The following GALNT1 variants were observed in gnomAD, a reference collection of about 807,000 sequenced individuals.
GALNT1 encodes the protein GalNAc transferase 1.
In GALNT1, 17 loss-of-function variants were observed where a neutral mutation model predicts 65.7. The ratio of observed to expected loss-of-function variants is 0.26; its 90% confidence interval spans 0.18 to 0.39. The LOEUF (loss-of-function observed/expected upper bound fraction) is 0.39. GALNT1 is among the 10% of genes least tolerant of loss of function. The pLI is 1.00. For missense variants in GALNT1, 460 were observed against 672.8 expected, an observed-to-expected ratio of 0.68 and a Z score of 3.50; for synonymous variants, 210 against 219.7, an observed-to-expected ratio of 0.96 and a Z score of 0.39.
At chr18:35,617,719 A>T (rs1012723476) in intron 1 of GALNT1, among the ~76,000 whole-genome samples, 1 of 152,320 alleles carries the variant, frequency 6.6e-6, no homozygotes, top group East Asian at 1.9e-4. Flanking sequence ...TGCTGTTAAC[A>T]TTCCTAATTA....
intron 5 of GALNT1, among the ~76,000 whole-genome samples, chr18:35,684,396 A>G (rs992249381): frequency 2.6e-5 from 4 of 152,206 alleles, no homozygotes; most frequent in Non-Finnish European, 5.9e-5. Context: ...CATTGGGCCA[A>G]TCAATGGGAA....
intron 1 of GALNT1, among the ~76,000 whole-genome samples, chr18:35,641,726 A>G (rs78476652): frequency 3.3e-5 from 5 of 152,222 alleles, no homozygotes; most frequent in South Asian, 4.1e-4. Flanking sequence ...ACGTGCAGTG[A>G]TATAACAGTT....
chr18:35,672,416 G>A (rs2070084297), intron 3 of GALNT1, among the ~76,000 whole-genome samples: 1 of 152,236 alleles, frequency 6.6e-6, no homozygotes, highest in South Asian at 2.1e-4. Context: ...GACAGAGGTA[G>A]TTAGCTGCTT....
chr18:35,601,452 T>G (rs1475593409), intron 1 of GALNT1, among the ~76,000 whole-genome samples: 3 of 152,070 alleles, frequency 2.0e-5, no homozygotes, highest in African/African-American at 7.2e-5. Context: ...TTTTTCCTGT[T>G]CTTTATTATT....
intron 1 of GALNT1, among the ~76,000 whole-genome samples, chr18:35,653,978 C>T (rs950131928): frequency 7.2e-5 from 11 of 152,124 alleles, no homozygotes; most frequent in East Asian, 1.9e-4. Flanking sequence ...GAAAGAGGAA[C>T]GAGAGTTAAC....
intron 5 of GALNT1, among the ~76,000 whole-genome samples, chr18:35,686,596 A>T (rs886763636): frequency 1.3e-5 from 2 of 152,232 alleles, no homozygotes; most frequent in Admixed American, 1.3e-4. Flanking sequence ...TCATAGTTAC[A>T]GCAGAAGAAA....
At chr18:35,674,735 G>A (rs927658943) in intron 3 of GALNT1, among the ~76,000 whole-genome samples, 1 of 152,148 alleles carries the variant, frequency 6.6e-6, no homozygotes, top group Admixed American at 6.5e-5. Flanking sequence ...TGTAATCCCA[G>A]CATTTTGGGA....
At chr18:35,664,168 A>G (rs1043560648) in intron 3 of GALNT1, 74 of 257,556 alleles carry the variant, frequency 2.9e-4, no homozygotes, top group African/African-American at 1.6e-3. Context: ...ATTTTTTGCT[A>G]TGTATACACC....
chr18:35,676,637 TGA>T (rs1480036757), intron 3 of GALNT1, among the ~76,000 whole-genome samples: 1 of 152,034 alleles, frequency 6.6e-6, no homozygotes, highest in Non-Finnish European at 1.5e-5. Flanking sequence ...TTGAGGAGCT[TGA>T]GAGAGAGCAG....
chr18:35,705,244 C>G (rs776523771), intron 11 of GALNT1, among the ~76,000 whole-genome samples: 1 of 152,286 alleles, frequency 6.6e-6, no homozygotes, highest in Non-Finnish European at 1.5e-5. Context: ...ACACCTTACC[C>G]ATTCTTAAGA....
intron 1 of GALNT1, among the ~76,000 whole-genome samples, chr18:35,651,198 C>T (rs1031637813): frequency 6.6e-6 from 1 of 152,054 alleles, no homozygotes; most frequent in Non-Finnish European, 1.5e-5. Flanking sequence ...CTTTTCAAGG[C>T]TTCCTAGATT....
chr18:35,593,151 T>C (rs2046464767), intron 1 of GALNT1, among the ~76,000 whole-genome samples: 1 of 151,850 alleles, frequency 6.6e-6, no homozygotes, highest in Non-Finnish European at 1.5e-5. Context: ...CACACGGAGG[T>C]GTTTTCAGGT....
At chr18:35,601,268 C>T (rs2046578643) in intron 1 of GALNT1, among the ~76,000 whole-genome samples, 1 of 151,864 alleles carries the variant, frequency 6.6e-6, no homozygotes, top group Admixed American at 6.6e-5. Context: ...CTCTGTATTT[C>T]TATGGTATCA....
At chr18:35,584,312 G>T (rs2046356469) in intron 1 of GALNT1, among the ~76,000 whole-genome samples, 4 of 152,230 alleles carry the variant, frequency 2.6e-5, no homozygotes, top group Middle Eastern at 6.8e-3. Flanking sequence ...TTCAGTAACA[G>T]ATTTCTTGGA....
intron 3 of GALNT1, among the ~76,000 whole-genome samples, chr18:35,669,865 T>G (rs969709841): frequency 4.6e-5 from 7 of 152,212 alleles, no homozygotes; most frequent in South Asian, 2.1e-4. Context: ...CTCACTGTTA[T>G]GAGGACTGGA....
At chr18:35,628,224 T>C (rs2046946471) in intron 1 of GALNT1, among the ~76,000 whole-genome samples, 1 of 152,096 alleles carries the variant, frequency 6.6e-6, no homozygotes. Context: ...GAGTAGTGTT[T>C]CTCCCAGCAT....
chr18:35,703,388 T>G, intron 10 of GALNT1, 121 bp from the exon 11 acceptor site: 1 of 900,686 alleles, frequency 1.1e-6, no homozygotes. Context: ...CTTCATTACT[T>G]TAATAAAGTA....
intron 9 of GALNT1, among the ~76,000 whole-genome samples, chr18:35,701,812 C>A (rs2048168637): frequency 6.6e-6 from 1 of 152,144 alleles, no homozygotes; most frequent in African/African-American, 2.4e-5. Flanking sequence ...TTGAGAAATT[C>A]TGTTTTGAAC....
At chr18:35,667,590 G>A (rs546504815) in intron 3 of GALNT1, among the ~76,000 whole-genome samples, 14 of 152,070 alleles carry the variant, frequency 9.2e-5, no homozygotes, top group East Asian at 1.9e-4. Context: ...TTTTTATAGC[G>A]TAGGTGTCAG....
Sources: allele counts gnomAD v4.1 joint callset (sites outside exome capture counted in the v4.1 genomes callset), GRCh38; gene constraint gnomAD v4.1.1; transcripts MANE v1.5; gene names NCBI Gene and HGNC (gene_info 2026-07-23, HGNC 2026-07-21).